The following B3GNT4 variants were observed in gnomAD, a reference collection of about 807,000 sequenced individuals.
B3GNT4 encodes the protein UDP-GlcNAc:betaGal beta-1,3-N-acetylglucosaminyltransferase 4.
Under a neutral mutation model 2.7 loss-of-function variants are expected in B3GNT4, and 2 were observed. The observed-to-expected ratio is 0.73, with a 90% CI of 0.30 to 2.31. B3GNT4 has a LOEUF of 2.31. B3GNT4 is among the 30% of genes most tolerant of loss of function. B3GNT4 has a pLI of 0.12. For missense variants in B3GNT4, 708 were observed against 490.9 expected (o/e 1.44, Z -4.18); for synonymous variants, 280 against 203.4 (o/e 1.38, Z -3.20).
intron 1 of B3GNT4, 109 bp from the exon 2 acceptor site, chr12:122,204,412 CG>C: frequency 1.9e-6 from 1 of 536,850 alleles, no homozygotes. Flanking sequence ...AGGGGCCACC[CG>C]GGCCGCGGCG....
intron 1 of B3GNT4, 30 bp downstream of exon 1, chr12:122,203,831 T>C (rs2136070367): frequency 6.2e-6 from 1 of 160,490 alleles, no homozygotes; most frequent in East Asian, 1.7e-4. Flanking sequence ...GCCGCTGCTG[T>C]GAGGGAGGCT....
In B3GNT4 at chr12:122,208,234, A is replaced by G; in HGVS notation, c.*846A>G. ...GCCTGAGACCACAGGAGGCACTCAC[A>G]GCTCACAAAGGCGTCTCGCCTGATT... On this transcript the variant is annotated 3_prime_UTR_variant, in exon 3 of 3. Transcript: ENST00000324189. 3.3e-6 allele frequency: 3 copies of G among 915,726 alleles called. No individual in the cohort carries two copies. The highest frequency in any genetic ancestry group is 2.6e-5 in the East Asian group (1 of 38,442). 56.7% of individuals were successfully genotyped at this position (915,726 alleles called of 1,614,324 possible).
rs762277340 is a variant in B3GNT4, at chr12:122,206,719, G to A, written c.468G>A (p.Val156=). 1.9e-6 allele frequency: 3 copies of A among 1,609,292 alleles called. No homozygotes were observed. Among genetic ancestry groups the A allele is most frequent in the Non-Finnish European group, 2.5e-6 (3 of 1,177,546 alleles). The part of the protein sequence containing the change: ...GWARGRQLKL[V]FLLGVAGSAP... ...CTAGGGGCCGGCAGCTGAAGCTGGT[G>A]TTCCTCCTAGGGGTGGCAGGATCCG... Residue 156 remains valine, a synonymous_variant, in exon 3 of 3, where the codon GTG becomes GTA. Transcript: ENST00000324189.
Position 122,206,329 on chromosome 12 carries a change from GCT to G in B3GNT4, c.81_82del (p.Cys28GlnfsTer56). On this transcript the variant is annotated frameshift_variant, in exon 3 of 3. Transcript: ENST00000324189. LOFTEE classifies it low-confidence loss of function (END_TRUNC). ...SGLLPKGPAM[L>X]CRLCWLVSYS... ...CTCTCTCCTTGCAGGGACCGGCGAT[GCT>G]CTGCAGGCTGTGCTGGCTGGTCTCG... The G allele has an allele frequency of 6.4e-7, 1 of 1,571,338 alleles. No individual in the cohort carries two copies. The highest frequency in any genetic ancestry group is 8.6e-7 in the Non-Finnish European group (1 of 1,157,842).
rs1240696169 is a variant in B3GNT4 at position 122,207,283 on chromosome 12, G to C, written c.1032G>C (p.Gly344=). 1 of 1,613,766 alleles carries C rather than the reference G, an allele frequency of 6.2e-7. No individual in the cohort carries two copies. The highest frequency in any genetic ancestry group is 1.7e-5 in the Admixed American group (1 of 59,980). ...CCTTAGACCCCTGCCTGTATAGGGG[G>C]CTCCTGCTGGTTCACCGCCTCAGCC... ...LDPLDPCLYR[G]LLLVHRLSPL... is the part of the protein sequence containing the mutation. Residue 344 remains glycine (G), a synonymous_variant, in exon 3 of 3, where the codon GGG becomes GGC. Transcript: ENST00000324189.
rs756437607 is a variant in B3GNT4 at position 122,206,416 on chromosome 12, C to T, written c.165C>T (p.Pro55=). ...CLLFLRKAAK[P]AGDPTAHQPF... The stretch of plus-strand genomic sequence containing the variant: ...TCTTCCTGAGGAAGGCGGCCAAGCC[C>T]GCAGGAGACCCCACGGCCCACCAGC... Residue 55 remains proline, a synonymous_variant, in exon 3 of 3, where the codon CCC becomes CCT. Transcript: ENST00000324189. The T allele has an allele frequency of 1.4e-5, 22 of 1,613,628 alleles. No individual in the cohort carries two copies. Among genetic ancestry groups the T allele is most frequent in the Middle Eastern group, 1.6e-4 (1 of 6,084 alleles).
At chr12:122,205,596 T>G (rs1324398890) in intron 2 of B3GNT4, 1 of 152,334 alleles carries the variant, frequency 6.6e-6, no homozygotes, top group East Asian at 1.9e-4. Flanking sequence ...GGATTCTGTC[T>G]CCTCATCCTT....
Position 122,206,332 on chromosome 12 carries a change from C to G in B3GNT4, c.81C>G (p.Leu27=). ...SGLLPKGPAM[L]CRLCWLVSYS... Reference sequence around the variant, plus strand: ...TCTCCTTGCAGGGACCGGCGATGCTCTGCAGGCTGTGCTGGCTGGTCTCGT... The same window carrying G: ...TCTCCTTGCAGGGACCGGCGATGCTGTGCAGGCTGTGCTGGCTGGTCTCGT... The change falls in exon 3 of 3, where the codon CTC becomes CTG. Residue 27 remains leucine (L), a synonymous_variant. Coordinates refer to ENST00000324189, the MANE Select transcript of B3GNT4 (RefSeq NM_030765.4). 1 of 1,577,460 alleles carries G rather than the reference C, an allele frequency of 6.3e-7. No homozygotes were observed. The highest frequency in any genetic ancestry group is 2.2e-5 in the East Asian group (1 of 44,500).
chr12:122,204,779 C>G, intron 2 of B3GNT4, 95 bp downstream of exon 2: 1 of 1,109,954 alleles, frequency 9.0e-7, no homozygotes, highest in Non-Finnish European at 1.3e-6. Context: ...GTGGCTCACG[C>G]CTGTAGTCCC....
rs1197481368 is a variant in B3GNT4, at chr12:122,204,656, G to C, written c.38G>C (p.Arg13Thr). ...PPQPSAAHQG[R>T]GGRSGLLPKG... ...CAGCCTTCCGCAGCCCACCAGGGAA[G>C]GGGCGGTAGGAGTGGCCTTTTACCA... Residue 13 changes from arginine to threonine, a missense_variant, in exon 2 of 3, where the codon AGG becomes ACG. Transcript: ENST00000324189. 1 of 1,611,956 alleles carries C rather than the reference G, an allele frequency of 6.2e-7. No individual in the cohort carries two copies. Among genetic ancestry groups the C allele is most frequent in the Admixed American group, 1.7e-5 (1 of 59,998 alleles).
chr12:122,207,322 G>A lies in B3GNT4; in HGVS notation c.1071G>A (p.Trp357Ter). ...LVHRLSPLEM[W>*]TMWALVTDEG... is the part of the protein sequence containing the mutation. ...ACCGCCTCAGCCCCCTCGAGATGTG[G>A]ACCATGTGGGCACTGGTGACAGATG... The change falls in exon 3 of 3, where the codon TGG becomes TGA. Residue 357 changes from tryptophan (W) to a stop codon, truncating the protein, a stop_gained. Coordinates refer to ENST00000324189, the MANE Select transcript of B3GNT4 (RefSeq NM_030765.4). LOFTEE classifies it low-confidence loss of function (END_TRUNC). 1 of 1,611,152 alleles carries A rather than the reference G, an allele frequency of 6.2e-7. No individual in the cohort carries two copies. The highest frequency in any genetic ancestry group is 8.5e-7 in the Non-Finnish European group (1 of 1,178,272).
Position 122,207,067 on chromosome 12 carries a change from C to T in B3GNT4, c.816C>T (p.Tyr272=). ...CCTCAATGTACAGGGCCACCCACTACCCACCCTATGCTGGTGGGGGAGGAT... is the reference window on the plus strand; with the variant it reads ...CCTCAATGTACAGGGCCACCCACTATCCACCCTATGCTGGTGGGGGAGGAT... ...IPPSMYRATH[Y]PPYAGGGGYV... The change falls in exon 3 of 3, where the codon TAC becomes TAT. Residue 272 remains tyrosine (Y), a synonymous_variant. Coordinates refer to ENST00000324189, the MANE Select transcript of B3GNT4 (RefSeq NM_030765.4). 1 of 1,613,962 alleles carries T rather than the reference C, an allele frequency of 6.2e-7. No individual in the cohort carries two copies. Among genetic ancestry groups the T allele is most frequent in the Non-Finnish European group, 8.5e-7 (1 of 1,179,932 alleles).
In B3GNT4 at chr12:122,207,233, T is replaced by C; in HGVS notation, c.982T>C (p.Phe328Leu). 2.5e-6 allele frequency: 4 copies of C among 1,614,116 alleles called. No homozygotes were observed. Among genetic ancestry groups the C allele is most frequent in the Non-Finnish European group, 3.4e-6 (4 of 1,180,016 alleles). The change falls in exon 3 of 3, where the codon TTT becomes CTT. Residue 328 changes from phenylalanine (F) to leucine (L), a missense_variant. Coordinates refer to ENST00000324189, the MANE Select transcript of B3GNT4 (RefSeq NM_030765.4). The part of the protein sequence containing the change: ...SPMHHAGFKT[F>L]GIRRPLDPLD... ...TATGCACCATGCTGGCTTCAAGACA[T>C]TTGGAATCCGGCGGCCCCTGGACCC...
rs772652045 is a variant in B3GNT4, at chr12:122,207,270, G to A, written c.1019G>A (p.Cys340Tyr). The A allele has an allele frequency of 8.1e-6, 13 of 1,614,078 alleles. No homozygotes were observed. The South Asian group carries it at 1.4e-4, about 18-fold the overall frequency. Residue 340 changes from cysteine to tyrosine, a missense_variant, in exon 3 of 3, where the codon TGC becomes TAC. Transcript: ENST00000324189. Reference sequence around the variant, plus strand: ...CGGCCCCTGGACCCCTTAGACCCCTGCCTGTATAGGGGGCTCCTGCTGGTT... The same window carrying A: ...CGGCCCCTGGACCCCTTAGACCCCTACCTGTATAGGGGGCTCCTGCTGGTT... ...IRRPLDPLDP[C>Y]LYRGLLLVHR...
rs764647908 is a variant in B3GNT4 at position 122,208,508 on chromosome 12, T to C, written c.*1120T>C. 167 of 1,614,026 alleles carry C rather than the reference T, an allele frequency of 1.0e-4. 1 individual carries two copies. Among genetic ancestry groups the C allele is most frequent in the Non-Finnish European group, 1.4e-4 (160 of 1,180,058 alleles). On this transcript the variant is annotated 3_prime_UTR_variant, in exon 3 of 3. Transcript: ENST00000324189. ...GGTTTCTGCTTTCCGGGAGAGCTGGTGCACCTCTTCCACCTGCAGTTTCAC... is the reference window on the plus strand; with the variant it reads ...GGTTTCTGCTTTCCGGGAGAGCTGGCGCACCTCTTCCACCTGCAGTTTCAC...
In B3GNT4 at chr12:122,206,457, C is replaced by A; in HGVS notation, c.206C>A (p.Pro69Gln). Residue 69 changes from proline (P) to glutamine (Q), a missense_variant, in exon 3 of 3, where the codon CCA (proline) becomes CAA (glutamine). Physicochemically the swap from Pro to Gln is moderately conservative, Grantham distance 76 (BLOSUM62 -1). Coordinates refer to ENST00000324189, the MANE Select transcript of B3GNT4 (RefSeq NM_030765.4). ...GCCCACCAGCCTTTCTGGGCTCCCC[C>A]AACACCCCGTCACAGCCGGTGTCCA... is the stretch of plus-strand genomic sequence containing the variant. The part of the protein sequence containing the change: ...PTAHQPFWAP[P>Q]TPRHSRCPPN... 4 of 1,614,182 alleles carry A rather than the reference C, an allele frequency of 2.5e-6. No individual in the cohort carries two copies. Among genetic ancestry groups the A allele is most frequent in the Non-Finnish European group, 3.4e-6 (4 of 1,180,020 alleles).
At position 122,208,129 on chromosome 12, in the gene B3GNT4, G is replaced by C. The variant is rs76189590; in HGVS notation, c.*741G>C. ...CTTTGGGTGTGAGGTAAAAAAAATG[G>C]GTAAGAGCAGCTGTACAGAGTGGGG... is the stretch of plus-strand genomic sequence containing the variant. On this transcript the variant is annotated 3_prime_UTR_variant, in exon 3 of 3. Coordinates refer to ENST00000324189, the MANE Select transcript of B3GNT4 (RefSeq NM_030765.4). 1.2e-4 allele frequency: 84 copies of C among 675,608 alleles called. No homozygotes were observed. The African/African-American group carries it at 1.5e-3, about 12-fold the overall frequency. The allele number at this position is 675,608 out of a possible 1,614,324, so 41.9% of individuals were successfully genotyped here.
In B3GNT4 at chr12:122,208,325, G is replaced by C; in HGVS notation, c.*937G>C. 3 of 1,587,252 alleles carry C rather than the reference G, an allele frequency of 1.9e-6. No homozygotes were observed. On this transcript the variant is annotated 3_prime_UTR_variant, in exon 3 of 3. Coordinates refer to ENST00000324189, the MANE Select transcript of B3GNT4 (RefSeq NM_030765.4). Reference sequence around the variant, plus strand: ...AGTCATGCCAACCCTGGGCAGGGTGGCATCTGCCCCTGCTTTCCCCACTGA... The same window carrying C: ...AGTCATGCCAACCCTGGGCAGGGTGCCATCTGCCCCTGCTTTCCCCACTGA...
At position 122,205,063 on chromosome 12, in the gene B3GNT4, C is replaced by T. The variant is rs61302482; in HGVS notation, c.66+379C>T. 684 of 197,866 alleles carry T rather than the reference C, an allele frequency of 3.5e-3. 7 individuals carry two copies. The highest frequency in any genetic ancestry group is 0.015 in the African/African-American group (645 of 42,468). 12.3% of individuals were successfully genotyped at this position (197,866 alleles called of 1,614,324 possible). A position where few individuals can be genotyped will look rare whatever the true frequency, so the allele number is the denominator to read the frequency against. ...CAAAACCCTTAGCTCTTTCACTAGC[C>T]GGGCTGGCCTCTTCCTACTGTAAAC... On this transcript the variant is annotated intron_variant, in intron 2 of 2. Coordinates refer to ENST00000324189, the MANE Select transcript of B3GNT4 (RefSeq NM_030765.4).
Sources: allele counts gnomAD v4.1 joint callset, GRCh38; gene constraint gnomAD v4.1.1; transcripts MANE v1.5; gene names NCBI Gene and HGNC (gene_info 2026-07-23, HGNC 2026-07-21).